DIS3L2: variants seen among roughly 807,000 people sequenced by gnomAD.
DIS3L2 encodes DIS3 like 3'-5' exoribonuclease 2, also known as DIS3-like exonuclease 2.
DIS3L2 carries 34 observed loss-of-function variants against 97.5 expected under a neutral mutation model. That is an observed-to-expected ratio of 0.35 (90% CI 0.27 to 0.46). DIS3L2 has a LOEUF of 0.46. Among genes scored for constraint, DIS3L2 ranks in the 20% least tolerant of loss-of-function variants. The pLI is 1.00. For synonymous variants in DIS3L2, 435 were observed against 445.2 expected (o/e 0.98, Z 0.29); for missense variants, 1,038 against 1,146.0 (o/e 0.91, Z 1.36).
At chr2:232,089,510 G>A (rs1696775864) in intron 6 of DIS3L2, among the ~76,000 whole-genome samples, 2 of 152,156 alleles carry the variant, frequency 1.3e-5, no homozygotes, top group South Asian at 4.1e-4. Context: ...TCAGTACTAT[G>A]AGTCATGTAT....
intron 6 of DIS3L2, among the ~76,000 whole-genome samples, chr2:232,126,869 T>G (rs926000374): frequency 6.6e-6 from 1 of 152,198 alleles, no homozygotes; most frequent in African/African-American, 2.4e-5. Flanking sequence ...TACTGGGCCT[T>G]TACCATGGCA....
intron 9 of DIS3L2, among the ~76,000 whole-genome samples, chr2:232,207,510 C>T (rs2106214449): frequency 6.6e-6 from 1 of 152,332 alleles, no homozygotes; most frequent in African/African-American, 2.4e-5. Flanking sequence ...TTGCTTACAA[C>T]CTCTTTTATA....
intron 1 of DIS3L2, among the ~76,000 whole-genome samples, chr2:232,008,677 G>A (rs1285296485): frequency 6.6e-6 from 1 of 152,196 alleles, no homozygotes. Flanking sequence ...TGGCTAGGGT[G>A]CTGGGGAGTT....
chr2:232,238,078 C>T (rs755533782), intron 10 of DIS3L2, among the ~76,000 whole-genome samples: 4 of 151,710 alleles, frequency 2.6e-5, no homozygotes, highest in African/African-American at 4.8e-5. Flanking sequence ...GGCACAGAGG[C>T]GAGGTAGGGC....
chr2:232,199,879 T>C (rs2106205597), intron 9 of DIS3L2, among the ~76,000 whole-genome samples: 1 of 152,228 alleles, frequency 6.6e-6, no homozygotes, highest in East Asian at 1.9e-4. Flanking sequence ...ATCTAAAAGG[T>C]GGTAAAAGCA....
At chr2:232,250,085 G>T (rs778786559) in intron 12 of DIS3L2, among the ~76,000 whole-genome samples, 1 of 152,156 alleles carries the variant, frequency 6.6e-6, no homozygotes, top group Non-Finnish European at 1.5e-5. Flanking sequence ...CCCTGCAAAT[G>T]TAACAACTCC....
chr2:232,208,683 C>G (rs990511408), intron 9 of DIS3L2, among the ~76,000 whole-genome samples: 2 of 152,006 alleles, frequency 1.3e-5, no homozygotes, highest in Non-Finnish European at 2.9e-5. Context: ...TTGCTAAATA[C>G]TGTTCCATTT....
intron 10 of DIS3L2, among the ~76,000 whole-genome samples, chr2:232,216,907 A>G (rs1237034499): frequency 6.9e-6 from 1 of 144,190 alleles, no homozygotes; most frequent in Non-Finnish European, 1.5e-5. Context: ...CAGTGGTGCA[A>G]TCTCTGCACA....
downstream of DIS3L2, chr2:232,337,229 T>C: frequency 1.1e-6 from 1 of 898,404 alleles, no homozygotes; most frequent in Non-Finnish European, 1.3e-6. Flanking sequence ...CGAATGTGAC[T>C]GTGTCTGACG....
rs1017037452 is a variant in DIS3L2 at position 232,207,983 on chromosome 2, A to C, written c.1125-2343A>C. Among the ~76,000 whole-genome samples the C allele has an allele frequency of 2.6e-5, 4 of 152,330 alleles. No individual in the cohort carries two copies. In the South Asian group the frequency reaches 8.3e-4, roughly 32 times the overall value. On this transcript the variant is annotated intron_variant, in intron 9 of 20. Transcript: ENST00000325385. ...TGAAAAAGTACACATTAAAGGGAAA[A>C]AAATTAATCCATAAATCTAGCACCC...
At chr2:232,342,941 A>C (rs1407048679) in intron 13 of DIS3L2, among the ~76,000 whole-genome samples, 2 of 142,416 alleles carry the variant, frequency 1.4e-5, no homozygotes, top group Non-Finnish European at 3.1e-5. Context: ...CAGATCAAAG[A>C]GGTGTTCATG....
At chr2:232,016,686 A>G (rs1574813639) in intron 3 of DIS3L2, among the ~76,000 whole-genome samples, 1 of 152,280 alleles carries the variant, frequency 6.6e-6, no homozygotes, top group East Asian at 1.9e-4. Context: ...GGCAGGTAGT[A>G]GGCTGGGGAG....
At chr2:232,005,381 A>G (rs868599717) in intron 1 of DIS3L2, among the ~76,000 whole-genome samples, 2 of 152,138 alleles carry the variant, frequency 1.3e-5, no homozygotes, top group African/African-American at 4.8e-5. Flanking sequence ...TTGAAGAGTC[A>G]TAAGAATTAG....
At chr2:232,141,860 G>A (rs903592349) in intron 8 of DIS3L2, among the ~76,000 whole-genome samples, 3 of 152,022 alleles carry the variant, frequency 2.0e-5, no homozygotes, top group Non-Finnish European at 4.4e-5. Flanking sequence ...TTTCTTACAG[G>A]GTAGATAGGA....
At position 232,026,156 on chromosome 2, in the gene DIS3L2, G is replaced by A. The variant is rs193128238; in HGVS notation, c.264+1826G>A. Among the ~76,000 whole-genome samples, 24 of 152,188 alleles carry A rather than the reference G, an allele frequency of 1.6e-4. No individual in the cohort carries two copies. The East Asian group carries it at 3.3e-3, about 21-fold the overall frequency. ...ATTGGGTTGGCTCCTAGCAAGTGTG[G>A]GACCTAGGACAGAAGTAGAAAAGAA... On this transcript the variant is annotated intron_variant, in intron 4 of 20. Coordinates refer to ENST00000325385, the MANE Select transcript of DIS3L2 (RefSeq NM_152383.5).
intron 1 of DIS3L2, among the ~76,000 whole-genome samples, chr2:231,993,961 A>T (rs1358443396): frequency 6.6e-6 from 1 of 151,986 alleles, no homozygotes; most frequent in Admixed American, 6.5e-5. Flanking sequence ...ATCGTAGGTC[A>T]TGATGCTTTT....
intron 5 of DIS3L2, among the ~76,000 whole-genome samples, chr2:232,083,995 T>C (rs1487098919): frequency 6.6e-6 from 1 of 152,228 alleles, no homozygotes; most frequent in Non-Finnish European, 1.5e-5. Flanking sequence ...GTGCTTAGGC[T>C]GCTCTGACAG....
intron 14 of DIS3L2, chr2:232,329,514 G>T: frequency 5.6e-6 from 2 of 356,972 alleles, no homozygotes; most frequent in Non-Finnish European, 1.0e-5. Context: ...CTGCTGCAGT[G>T]AATTATTTAA....
chr2:231,990,625 G>T (rs1026166801), intron 1 of DIS3L2, among the ~76,000 whole-genome samples: 1 of 152,086 alleles, frequency 6.6e-6, no homozygotes, highest in Admixed American at 6.6e-5. Flanking sequence ...GCCTTATTTG[G>T]TAGCAAAGCT....
Sources: allele counts gnomAD v4.1 joint callset (sites outside exome capture counted in the v4.1 genomes callset), GRCh38; gene constraint gnomAD v4.1.1; transcripts MANE v1.5; gene names NCBI Gene and HGNC (gene_info 2026-07-23, HGNC 2026-07-21).